The following NPAS3 variants were observed in gnomAD, a reference collection of about 807,000 sequenced individuals.
NPAS3 encodes neuronal PAS domain protein 3.
Under a neutral mutation model 73.1 loss-of-function variants are expected in NPAS3, and 14 were observed. The ratio of observed to expected loss-of-function variants is 0.19; its 90% CI spans 0.13 to 0.30. The LOEUF (loss-of-function observed/expected upper bound fraction) is 0.30. NPAS3 is among the 10% of genes least tolerant of loss of function. The pLI is 1.00. For missense variants in NPAS3, 1,096 were observed against 1,250.0 expected (o/e 0.88, Z 1.86); for synonymous variants, 620 against 541.5 (o/e 1.14, Z -2.01).
chr14:33,167,266 C>G (rs538686723), intron 2 of NPAS3, among the ~76,000 whole-genome samples: 56 of 152,288 alleles, frequency 3.7e-4, no homozygotes, highest in African/African-American at 1.3e-3. Flanking sequence ...TCTATAAACT[C>G]TCTCAAAGTG....
intron 2 of NPAS3, among the ~76,000 whole-genome samples, chr14:33,113,049 A>C (rs928601317): frequency 7.2e-5 from 11 of 152,198 alleles, no homozygotes; most frequent in African/African-American, 2.4e-4. Context: ...TACCAGTACC[A>C]TGCTGTTTTG....
chr14:33,285,424 T>C (rs1751759181), intron 3 of NPAS3, among the ~76,000 whole-genome samples: 1 of 152,156 alleles, frequency 6.6e-6, no homozygotes, highest in Non-Finnish European at 1.5e-5. Flanking sequence ...AGTAAAATAT[T>C]TTCTCCTTCC....
intron 5 of NPAS3, among the ~76,000 whole-genome samples, chr14:33,656,774 CTG>C (rs1294219729): frequency 6.6e-6 from 1 of 152,176 alleles, no homozygotes; most frequent in African/African-American, 2.4e-5. Flanking sequence ...GTATTATTAA[CTG>C]TAGTCTCCAT....
At chr14:32,950,665 A>G (rs1479002736) in intron 1 of NPAS3, among the ~76,000 whole-genome samples, 1 of 152,102 alleles carries the variant, frequency 6.6e-6, no homozygotes, top group African/African-American at 2.4e-5. Context: ...TATTTACCTC[A>G]GAATGTTAAG....
intron 2 of NPAS3, among the ~76,000 whole-genome samples, chr14:33,089,427 A>G (rs888895130): frequency 5.3e-5 from 8 of 152,222 alleles, no homozygotes; most frequent in Non-Finnish European, 1.2e-4. Flanking sequence ...AATGAAATGA[A>G]GTGAGAAGAG....
chr14:33,575,182 C>G (rs1194773402), intron 5 of NPAS3, among the ~76,000 whole-genome samples: 1 of 152,192 alleles, frequency 6.6e-6, no homozygotes, highest in Admixed American at 6.5e-5. Flanking sequence ...TTAACTTTTA[C>G]CATTTAACAT....
At chr14:33,679,689 C>A (rs1595423845) in intron 6 of NPAS3, among the ~76,000 whole-genome samples, 1 of 152,098 alleles carries the variant, frequency 6.6e-6, no homozygotes, top group East Asian at 1.9e-4. Flanking sequence ...TGACTGGAAT[C>A]TAAATAACAT....
intron 3 of NPAS3, among the ~76,000 whole-genome samples, chr14:33,262,582 T>C (rs2049014077): frequency 6.6e-6 from 1 of 152,192 alleles, no homozygotes; most frequent in African/African-American, 2.4e-5. Context: ...CTGTTCTCAT[T>C]TTTCCACAAT....
At chr14:33,491,477 T>C (rs778930367) in intron 4 of NPAS3, among the ~76,000 whole-genome samples, 1 of 152,152 alleles carries the variant, frequency 6.6e-6, no homozygotes, top group Non-Finnish European at 1.5e-5. Flanking sequence ...TGGTAGGCAC[T>C]AGCCGCCTGT....
At chr14:33,563,537 C>CACACACACACAGAGAG in intron 5 of NPAS3, among the ~76,000 whole-genome samples, 56 of 119,458 alleles carry the variant, frequency 4.7e-4, no homozygotes, top group Admixed American at 9.1e-4. Flanking sequence ...CACACACACA[C>CACACACACACAGAGAG]AGAGAGAGAG....
At chr14:33,752,929 G>T (rs2140773649) in intron 7 of NPAS3, among the ~76,000 whole-genome samples, 1 of 152,160 alleles carries the variant, frequency 6.6e-6, no homozygotes, top group East Asian at 1.9e-4. Flanking sequence ...CAAGAAAAAT[G>T]GGCCAGATAC....
chr14:33,710,734 G>A (rs1277779042), intron 6 of NPAS3, among the ~76,000 whole-genome samples: 2 of 152,226 alleles, frequency 1.3e-5, no homozygotes, highest in African/African-American at 4.8e-5. Context: ...AGGACATTCT[G>A]AGAACTAACT....
chr14:33,554,495 A>G (rs1402819888), intron 4 of NPAS3, among the ~76,000 whole-genome samples: 1 of 152,206 alleles, frequency 6.6e-6, no homozygotes, highest in Admixed American at 6.6e-5. Context: ...TGTAATTGTG[A>G]AATATGTTCT....
chr14:32,971,789 G>A lies in NPAS3; in HGVS notation c.50+32423G>A, dbSNP rs17099769. Among the ~76,000 whole-genome samples the A allele has an allele frequency of 3.9e-3, 593 of 152,036 alleles. 3 individuals carry two copies. Among genetic ancestry groups the A allele is most frequent in the African/African-American group, 9.6e-3 (397 of 41,458 alleles). ...AAATCCATAATCATGGTCTCCAAAC[G>A]GTTTATTACTAAGAGCTCAAATTAG... On this transcript the variant is annotated intron_variant, in intron 1 of 11. Transcript: ENST00000356141.
intron 5 of NPAS3, among the ~76,000 whole-genome samples, chr14:33,665,445 T>TA (rs747571318): frequency 5.9e-5 from 9 of 152,064 alleles, no homozygotes; most frequent in African/African-American, 1.2e-4. Flanking sequence ...AAAGTGTGAT[T>TA]AAAAAAACAA....
chr14:33,375,366 T>C (rs1263001019), intron 4 of NPAS3, among the ~76,000 whole-genome samples: 2 of 152,222 alleles, frequency 1.3e-5, no homozygotes, highest in African/African-American at 2.4e-5. Context: ...TCAGCTCATA[T>C]TGAGTAATTT....
chr14:33,643,615 G>C (rs1023878799), intron 5 of NPAS3, among the ~76,000 whole-genome samples: 2 of 152,168 alleles, frequency 1.3e-5, no homozygotes, highest in South Asian at 2.1e-4. Flanking sequence ...AGCAGTGTCA[G>C]AAAGCTGATT....
At chr14:33,675,072 A>AAGAAAC (rs61281795) in intron 5 of NPAS3, among the ~76,000 whole-genome samples, 73,348 of 151,268 alleles carry the variant, frequency 0.48, 18,874 homozygotes, top group Non-Finnish European at 0.58. Flanking sequence ...AATATCCACC[A>AAGAAAC]AGAAACTTGT....
At chr14:33,337,651 A>T (rs1036277594) in intron 3 of NPAS3, among the ~76,000 whole-genome samples, 5 of 152,172 alleles carry the variant, frequency 3.3e-5, no homozygotes, top group Admixed American at 1.3e-4. Flanking sequence ...TAGAAATTCC[A>T]CTGAATCTAT....
Sources: allele counts gnomAD v4.1 joint callset (sites outside exome capture counted in the v4.1 genomes callset), GRCh38; gene constraint gnomAD v4.1.1; transcripts MANE v1.5; gene names NCBI Gene and HGNC (gene_info 2026-07-23, HGNC 2026-07-21).